PXDNL: variants seen among roughly 807,000 people sequenced by gnomAD.
PXDNL encodes the protein probable oxidoreductase PXDNL.
A neutral mutation model predicts 150.8 loss-of-function variants in PXDNL; 145 were observed. The ratio of observed to expected loss-of-function variants is 0.96; its 90% CI spans 0.84 to 1.10. PXDNL has a LOEUF of 1.10. Ranked by LOEUF, PXDNL falls within the 50% of genes least tolerant of loss-of-function variation. PXDNL has a pLI of 0.00. For synonymous variants in PXDNL, 757 were observed against 725.7 expected (o/e 1.04, Z -0.69); for missense variants, 2,087 against 1,873.9 (o/e 1.11, Z -2.10).
At chr8:51,670,048 C>T (rs2130827310) in intron 1 of PXDNL, among the ~76,000 whole-genome samples, 1 of 152,152 alleles carries the variant, frequency 6.6e-6, no homozygotes, top group East Asian at 1.9e-4. Context: ...ACCAGCCTGG[C>T]CAACATGGTG....
intron 2 of PXDNL, among the ~76,000 whole-genome samples, chr8:51,653,329 A>G (rs1815078713): frequency 6.6e-6 from 1 of 152,112 alleles, no homozygotes; most frequent in Admixed American, 6.5e-5. Flanking sequence ...GAGGCAGGAG[A>G]ATTGCTTGAA....
At chr8:51,367,346 AC>A (rs1243346472) in intron 19 of PXDNL, among the ~76,000 whole-genome samples, 1 of 152,134 alleles carries the variant, frequency 6.6e-6, no homozygotes, top group Non-Finnish European at 1.5e-5. Context: ...AAACACACTA[AC>A]AGAGAAATGA....
chr8:51,794,742 A>G (rs1021273236), intron 1 of PXDNL, among the ~76,000 whole-genome samples: 4 of 152,210 alleles, frequency 2.6e-5, no homozygotes, highest in African/African-American at 9.6e-5. Flanking sequence ...CTGTGAAGCA[A>G]CTACATCAAC....
At chr8:51,724,753 C>T (rs1355471391) in intron 1 of PXDNL, among the ~76,000 whole-genome samples, 1 of 152,286 alleles carries the variant, frequency 6.6e-6, no homozygotes, top group Middle Eastern at 3.4e-3. Context: ...AGTCTGAAAG[C>T]TCTCAGCTCC....
At chr8:51,432,655 T>G (rs1439422048) in intron 12 of PXDNL, among the ~76,000 whole-genome samples, 1 of 152,244 alleles carries the variant, frequency 6.6e-6, no homozygotes, top group African/African-American at 2.4e-5. Flanking sequence ...AAATTAGGCA[T>G]TTTGTTGCTG....
intron 12 of PXDNL, among the ~76,000 whole-genome samples, chr8:51,434,343 A>C (rs1809336349): frequency 6.6e-6 from 1 of 152,194 alleles, no homozygotes; most frequent in Admixed American, 6.5e-5. Context: ...TTCTAGAGGT[A>C]TCCCCTGACC....
In PXDNL at chr8:51,595,340, A is replaced by G. The variant is rs959254183; in HGVS notation, c.237-2642T>C. Among the ~76,000 whole-genome samples, 6 of 152,132 alleles carry G rather than the reference A, an allele frequency of 3.9e-5. No individual in the cohort carries two copies. The East Asian group carries it at 1.2e-3, about 29-fold the overall frequency. On this transcript the variant is annotated intron_variant, in intron 2 of 22. Coordinates refer to ENST00000356297, the MANE Select transcript of PXDNL (RefSeq NM_144651.5). ...ATGACTGCTAGAAAAGATTAAGGCT[A>G]TTTGCATAGTCATCAATTCATCAAA... is the stretch of plus-strand genomic sequence containing the variant.
intron 1 of PXDNL, among the ~76,000 whole-genome samples, chr8:51,753,222 AGCTATAATGT>A (rs2037065634): frequency 1.3e-5 from 2 of 152,194 alleles, no homozygotes; most frequent in Admixed American, 1.3e-4. Flanking sequence ...ATTTATCCAA[AGCTATAATGT>A]GCTATTGGCT....
intron 9 of PXDNL, among the ~76,000 whole-genome samples, chr8:51,454,102 A>C (rs1809873995): frequency 2.9e-5 from 3 of 104,652 alleles, no homozygotes; most frequent in South Asian, 6.3e-4. Flanking sequence ...CTTCTTAAGA[A>C]TACTCACATT....
At chr8:51,449,618 CAG>C (rs2129945668) in intron 10 of PXDNL, among the ~76,000 whole-genome samples, 1 of 152,256 alleles carries the variant, frequency 6.6e-6, no homozygotes, top group African/African-American at 2.4e-5. Context: ...TGTCAAAATT[CAG>C]AGTTCCAAAT....
At chr8:51,331,542 A>T (rs1225568661) in intron 21 of PXDNL, among the ~76,000 whole-genome samples, 3 of 152,120 alleles carry the variant, frequency 2.0e-5, no homozygotes, top group African/African-American at 7.2e-5. Flanking sequence ...GGAAGAACTA[A>T]AGCCCTTTTC....
chr8:51,686,352 G>T (rs1054666917), intron 1 of PXDNL, among the ~76,000 whole-genome samples: 1 of 152,208 alleles, frequency 6.6e-6, no homozygotes, highest in African/African-American at 2.4e-5. Flanking sequence ...ATTCATAGTG[G>T]CCATGAGCCG....
rs141989873 is a variant in PXDNL, at chr8:51,797,254, A to G, written c.164+11927T>C. ...CAAAAGCTAGAAGCATTCCCCTTGA[A>G]AACTGGCACAAGACGAGGATGTCCT... is the stretch of plus-strand genomic sequence containing the variant. On this transcript the variant is annotated intron_variant, in intron 1 of 22. Transcript: ENST00000356297. Among the ~76,000 whole-genome samples, 62 of 152,316 alleles carry G rather than the reference A, an allele frequency of 4.1e-4. 1 individual carries two copies. In the East Asian group the frequency reaches 9.3e-3, roughly 23 times the overall value.
intron 1 of PXDNL, among the ~76,000 whole-genome samples, chr8:51,787,313 T>C (rs534379739): frequency 6.6e-6 from 1 of 152,336 alleles, no homozygotes; most frequent in Admixed American, 6.5e-5. Flanking sequence ...ACAGCTGCCA[T>C]AGATAGTGAA....
At chr8:51,765,649 T>A (rs2037220747) in intron 1 of PXDNL, among the ~76,000 whole-genome samples, 1 of 152,168 alleles carries the variant, frequency 6.6e-6, no homozygotes, top group Non-Finnish European at 1.5e-5. Flanking sequence ...TTAACACAAC[T>A]ATTAATAAGG....
At chr8:51,631,231 G>A (rs1814483353) in intron 2 of PXDNL, among the ~76,000 whole-genome samples, 1 of 152,034 alleles carries the variant, frequency 6.6e-6, no homozygotes, top group Admixed American at 6.6e-5. Context: ...GCTAAACAAT[G>A]AGAACACATG....
intron 1 of PXDNL, among the ~76,000 whole-genome samples, chr8:51,743,642 A>G (rs1333194449): frequency 6.6e-6 from 1 of 151,974 alleles, no homozygotes; most frequent in East Asian, 1.9e-4. Context: ...TCAGCCTCCC[A>G]AAGTGCTGGG....
At chr8:51,606,576 CT>C (rs1412028917) in intron 2 of PXDNL, among the ~76,000 whole-genome samples, 1 of 152,132 alleles carries the variant, frequency 6.6e-6, no homozygotes, top group Non-Finnish European at 1.5e-5. Context: ...CCTTTAACAT[CT>C]AGAACTGTGC....
rs1812800504 is a variant in PXDNL at position 51,565,321 on chromosome 8, A to ATAGATAG, written c.309-8411_309-8410insCTATCTA. Among the ~76,000 whole-genome samples the ATAGATAG allele has an allele frequency of 4.5e-3, 605 of 135,552 alleles. 2 individuals carry two copies. Among genetic ancestry groups the ATAGATAG allele is most frequent in the African/African-American group, 0.018 (568 of 31,174 alleles). 88.9% of individuals were successfully genotyped at this position (135,552 alleles called of 152,430 possible). On this transcript the variant is annotated intron_variant, in intron 3 of 22. Coordinates refer to ENST00000356297, the MANE Select transcript of PXDNL (RefSeq NM_144651.5). The stretch of plus-strand genomic sequence containing the variant: ...AAATAAATAAATAAATAAATAAATA[A>ATAGATAG]ATAGATAGATAGATAGATAGATAAA...
Sources: gnomAD v4.1 joint callset for allele counts (sites outside exome capture counted in the v4.1 genomes callset) on GRCh38, gnomAD v4.1.1 for gene constraint, MANE v1.5 for transcripts, NCBI Gene and HGNC (gene_info 2026-07-23, HGNC 2026-07-21) for gene names.